RALGAPA2: variants seen among roughly 807,000 people sequenced by gnomAD.
The protein encoded by RALGAPA2 is ral GTPase-activating protein subunit alpha-2.
A neutral mutation model predicts 230.4 loss-of-function variants in RALGAPA2; 139 were observed. The observed-to-expected ratio is 0.60, with a 90% CI of 0.53 to 0.69. The LOEUF is 0.69. RALGAPA2 is among the 30% of genes least tolerant of loss of function. The pLI is 0.00. For missense variants in RALGAPA2, 2,163 were observed against 2,276.0 expected, an observed-to-expected ratio of 0.95 and a Z score of 1.01; for synonymous variants, 847 against 837.8, an observed-to-expected ratio of 1.01 and a Z score of -0.19.
At chr20:20,571,153 A>G (rs150005119) in intron 23 of RALGAPA2, among the ~76,000 whole-genome samples, 345 of 152,320 alleles carry the variant, frequency 2.3e-3, no homozygotes, top group Non-Finnish European at 3.7e-3. Flanking sequence ...AACCCAAACA[A>G]AAAGTGGTTA....
At chr20:20,481,118 T>C (rs966849803) in intron 36 of RALGAPA2, among the ~76,000 whole-genome samples, 5 of 152,224 alleles carry the variant, frequency 3.3e-5, no homozygotes, top group African/African-American at 9.7e-5. Context: ...GGCAAGATAC[T>C]GTGAAAGCAA....
At chr20:20,454,767 A>G (rs1422987421) in intron 37 of RALGAPA2, among the ~76,000 whole-genome samples, 1 of 152,194 alleles carries the variant, frequency 6.6e-6, no homozygotes, top group Non-Finnish European at 1.5e-5. Flanking sequence ...GTGACATCCA[A>G]TGTTCATTGT....
chr20:20,595,683 G>A (rs2065430779), intron 16 of RALGAPA2, among the ~76,000 whole-genome samples: 1 of 152,184 alleles, frequency 6.6e-6, no homozygotes, highest in South Asian at 2.1e-4. Flanking sequence ...ACCGGACGTG[G>A]TGGCTCACAC....
intron 20 of RALGAPA2, among the ~76,000 whole-genome samples, chr20:20,573,972 G>A (rs997610486): frequency 3.9e-5 from 6 of 152,060 alleles, no homozygotes; most frequent in Non-Finnish European, 8.8e-5. Flanking sequence ...TCCTGGGTCC[G>A]GTCATAAGTG....
chr20:20,701,333 G>C (rs56220701), intron 1 of RALGAPA2, among the ~76,000 whole-genome samples: 20,345 of 152,066 alleles, frequency 0.13, 2,627 homozygotes, highest in African/African-American at 0.33. Flanking sequence ...TATTATTATT[G>C]AAATAAGGGA....
chr20:20,632,775 T>C (rs1016166151), intron 9 of RALGAPA2, among the ~76,000 whole-genome samples: 2 of 152,226 alleles, frequency 1.3e-5, no homozygotes, highest in Non-Finnish European at 2.9e-5. Flanking sequence ...TAGTCTGCCT[T>C]CTATGAGCTG....
chr20:20,625,672 T>C (rs571030370), intron 10 of RALGAPA2, among the ~76,000 whole-genome samples: 16 of 152,324 alleles, frequency 1.1e-4, no homozygotes, highest in Admixed American at 7.8e-4. Flanking sequence ...TATTCTATTT[T>C]ATTCTGTTTC....
At chr20:20,546,620 C>T (rs765080857) in intron 24 of RALGAPA2, 84 bp downstream of exon 24, 4 of 1,467,650 alleles carry the variant, frequency 2.7e-6, no homozygotes, top group African/African-American at 1.4e-5. Flanking sequence ...TGAGTCAACA[C>T]CTGTTAAGAG....
chr20:20,435,200 A>G (rs2060583066), intron 37 of RALGAPA2, among the ~76,000 whole-genome samples: 1 of 152,256 alleles, frequency 6.6e-6, no homozygotes, highest in South Asian at 2.1e-4. Flanking sequence ...TTGATGCCAG[A>G]TCCCCTGGCT....
intron 35 of RALGAPA2, among the ~76,000 whole-genome samples, chr20:20,498,080 A>C (rs1344511419): frequency 6.6e-6 from 1 of 152,220 alleles, no homozygotes; most frequent in Non-Finnish European, 1.5e-5. Context: ...TGGATGGCTC[A>C]AAGTGTTGCC....
intron 12 of RALGAPA2, among the ~76,000 whole-genome samples, chr20:20,618,524 T>C (rs936764887): frequency 6.6e-6 from 1 of 151,608 alleles, no homozygotes; most frequent in Non-Finnish European, 1.5e-5. Flanking sequence ...AAGAAACAGA[T>C]GACAGAAAAT....
chr20:20,588,969 G>A (rs1037771833), intron 18 of RALGAPA2, among the ~76,000 whole-genome samples: 2 of 151,976 alleles, frequency 1.3e-5, no homozygotes, highest in Non-Finnish European at 2.9e-5. Flanking sequence ...TCAGGAATGG[G>A]GAATCTGAAA....
At chr20:20,618,391 T>C (rs1433240140) in intron 12 of RALGAPA2, among the ~76,000 whole-genome samples, 1 of 152,196 alleles carries the variant, frequency 6.6e-6, no homozygotes, top group Admixed American at 6.5e-5. Context: ...TCTCAACTTT[T>C]TTAAGTTAAC....
intron 1 of RALGAPA2, among the ~76,000 whole-genome samples, chr20:20,687,767 C>G (rs1315698136): frequency 6.6e-6 from 1 of 152,138 alleles, no homozygotes; most frequent in Non-Finnish European, 1.5e-5. Flanking sequence ...TACAGAACAG[C>G]CTCACTGGTC....
At chr20:20,400,899 A>C (rs2059819810) in intron 38 of RALGAPA2, among the ~76,000 whole-genome samples, 1 of 152,238 alleles carries the variant, frequency 6.6e-6, no homozygotes, top group South Asian at 2.1e-4. Flanking sequence ...CACCTTGAGA[A>C]TATGCTAAAA....
chr20:20,521,261 T>C (rs920789073), intron 30 of RALGAPA2, among the ~76,000 whole-genome samples, 161 bp from the exon 31 acceptor site: 1 of 152,210 alleles, frequency 6.6e-6, no homozygotes, highest in Non-Finnish European at 1.5e-5. Flanking sequence ...AGCAAATTTA[T>C]TTTGCTCCTT....
intron 2 of RALGAPA2, among the ~76,000 whole-genome samples, chr20:20,679,878 A>G (rs940063369): frequency 6.6e-6 from 1 of 152,246 alleles, no homozygotes; most frequent in African/African-American, 2.4e-5. Context: ...TTATTTATGC[A>G]TATGGCTTAT....
intron 36 of RALGAPA2, among the ~76,000 whole-genome samples, chr20:20,473,691 T>C (rs1327211262): frequency 6.6e-6 from 1 of 152,172 alleles, no homozygotes; most frequent in Non-Finnish European, 1.5e-5. Flanking sequence ...CCCATTTCTG[T>C]TATGTGGAAA....
At chr20:20,645,084 C>T (rs2067162268) in intron 4 of RALGAPA2, among the ~76,000 whole-genome samples, 2 of 129,444 alleles carry the variant, frequency 1.5e-5, no homozygotes, top group Admixed American at 8.1e-5. Flanking sequence ...ATGGGTCTGG[C>T]TTGTTTTTGG....
Sources: allele counts gnomAD v4.1 joint callset (sites outside exome capture counted in the v4.1 genomes callset), GRCh38; gene constraint gnomAD v4.1.1; transcripts MANE v1.5; gene names NCBI Gene and HGNC (gene_info 2026-07-23, HGNC 2026-07-21).